Variants in ATP6AP2 observed in about 807,000 individuals in gnomAD.
The protein encoded by ATP6AP2 is renin receptor.
Under a neutral mutation model 23.4 loss-of-function variants are expected in ATP6AP2, and 1 was observed. That is an observed-to-expected ratio of 0.04 (90% CI 0.02 to 0.20). The LOEUF is 0.20. ATP6AP2 is among the 10% of genes least tolerant of loss of function. The pLI, the probability that ATP6AP2 is intolerant of heterozygous loss-of-function variation, is 1.00. For missense variants in ATP6AP2, 174 were observed against 271.3 expected, an observed-to-expected ratio of 0.64 and a Z score of 2.52; for synonymous variants, 90 against 97.1, an observed-to-expected ratio of 0.93 and a Z score of 0.43.
At chrX:40,588,338 C>CT (rs199833085) in intron 1 of ATP6AP2, among the ~76,000 whole-genome samples, 1 of 43,600 alleles carries the variant, frequency 2.3e-5, no homozygotes, top group Admixed American at 3.2e-4. Flanking sequence ...ATGTATGCCC[C>CT]CCCCCCCCCC....
chrX:40,582,092 G>T (rs1449440609), intron 1 of ATP6AP2, among the ~76,000 whole-genome samples: 2 of 111,781 alleles, frequency 1.8e-5, no homozygotes, highest in African/African-American at 3.3e-5. Context: ...AGTTGAGAAC[G>T]GCTTGGAGGA....
At chrX:40,581,199 G>T in intron 1 of ATP6AP2, 97 bp downstream of exon 1, 8 of 873,827 alleles carry the variant, frequency 9.2e-6, no homozygotes, top group Non-Finnish European at 1.2e-5. Flanking sequence ...TGCGAGGCAG[G>T]TGCCGCAGTG....
chrX:40,598,741 A>G lies in ATP6AP2; in HGVS notation c.588+7A>G, dbSNP rs377112095. 11 of 1,201,812 alleles carry G rather than the reference A, an allele frequency of 9.2e-6. No homozygotes were observed. The African/African-American group carries it at 1.6e-4, about 17-fold the overall frequency. On this transcript the variant is annotated splice_region_variant and intron_variant, in intron 6 of 8. Transcript: ENST00000636580. ...ACATGATATTTCAAGCTTGGTAAGT[A>G]GGCTGCTCTAATTTTTTAATTCCAT...
At chrX:40,589,338 A>G (rs1383682448) in intron 2 of ATP6AP2, 10 of 379,869 alleles carry the variant, frequency 2.6e-5, no homozygotes, top group Non-Finnish European at 4.5e-5. Flanking sequence ...TTTGAGACCA[A>G]CCTGGGCAAC....
chrX:40,593,009 A>G (rs1926674024), intron 3 of ATP6AP2, among the ~76,000 whole-genome samples: 1 of 112,487 alleles, frequency 8.9e-6, no homozygotes, highest in South Asian at 3.6e-4. Context: ...ACACTTTGAG[A>G]GGCCAAGGCG....
intron 7 of ATP6AP2, 60 bp from the exon 8 acceptor site, chrX:40,600,698 GTTAA>G (rs1430894009): frequency 9.3e-7 from 1 of 1,072,369 alleles, no homozygotes; most frequent in African/African-American, 1.9e-5. Context: ...ATTTTAATTT[GTTAA>G]TTAAAAATGA....
chrX:40,605,963 T>C lies in ATP6AP2; in HGVS notation c.*208T>C. 1 of 383,900 alleles carries C rather than the reference T, an allele frequency of 2.6e-6. No homozygotes were observed. The highest frequency in any genetic ancestry group is 5.2e-5 in the South Asian group (1 of 19,113). 31.6% of individuals were successfully genotyped at this position (383,900 alleles called of 1,213,427 possible). ...TCCCACTGTGGTATAGATTCCATAA[T>C]ATGCTTGAATATTATGATATAGCCA... is the stretch of plus-strand genomic sequence containing the variant. On this transcript the variant is annotated 3_prime_UTR_variant, in exon 9 of 9. Coordinates refer to ENST00000636580, the MANE Select transcript of ATP6AP2 (RefSeq NM_005765.3).
At chrX:40,605,503 A>G in intron 8 of ATP6AP2, 58 bp from the exon 9 acceptor site, 2 of 1,001,845 alleles carry the variant, frequency 2.0e-6, no homozygotes, top group Non-Finnish European at 1.4e-6. Flanking sequence ...CTAGACTGGG[A>G]TAATTTCCTA....
At chrX:40,592,837 T>G (rs746291739) in intron 3 of ATP6AP2, among the ~76,000 whole-genome samples, 22 of 111,411 alleles carry the variant, frequency 2.0e-4, no homozygotes, top group Middle Eastern at 4.6e-3. Context: ...AAAAAATTAC[T>G]GTGCAGTAGT....
chrX:40,591,085 G>A (rs754649584), intron 2 of ATP6AP2, 149 bp from the exon 3 acceptor site: 87 of 674,223 alleles, frequency 1.3e-4, no homozygotes, highest in Non-Finnish European at 1.9e-4. Flanking sequence ...GGATTGCAAC[G>A]ACTGCCACAA....
intron 3 of ATP6AP2, among the ~76,000 whole-genome samples, chrX:40,593,024 A>G (rs975773605): frequency 4.4e-5 from 5 of 112,388 alleles, no homozygotes; most frequent in Non-Finnish European, 7.5e-5. Context: ...AAGGCGGGTG[A>G]ATCACTTGAG....
At position 40,580,986 on chromosome X, in the gene ATP6AP2, C is replaced by G; in HGVS notation, c.-80C>G. 8.9e-7 allele frequency: 1 copy of G among 1,120,443 alleles called. No individual in the cohort carries two copies. Among genetic ancestry groups the G allele is most frequent in the Non-Finnish European group, 1.2e-6 (1 of 833,824 alleles). The allele number at this position is 1,120,443 out of a possible 1,213,427, so 92.3% of individuals were successfully genotyped here. On this transcript the variant is annotated 5_prime_UTR_variant, in exon 1 of 9. Coordinates refer to ENST00000636580, the MANE Select transcript of ATP6AP2 (RefSeq NM_005765.3). ...AGCCTGGACGAGTCCGAGCGCGTCACCTCCTCACGCTGCGGCTGTCGCCCG... is the reference window on the plus strand; with the variant it reads ...AGCCTGGACGAGTCCGAGCGCGTCAGCTCCTCACGCTGCGGCTGTCGCCCG...
chrX:40,600,841 T>C lies in ATP6AP2; in HGVS notation c.818T>C (p.Leu273Pro). ...LVTVKSFDTS[L>P]IRKTRTILEA... ...ACTGTCAAGTCATTTGACACCTCCC[T>C]CATTAGGAAGACAAGGACTATCCTT... Residue 273 changes from leucine (L) to proline (P), a missense_variant, in exon 8 of 9, where the codon CTC becomes CCC. Transcript: ENST00000636580. 1 of 1,208,348 alleles carries C rather than the reference T, an allele frequency of 8.3e-7. No homozygotes were observed. Among genetic ancestry groups the C allele is most frequent in the Non-Finnish European group, 1.1e-6 (1 of 893,498 alleles).
intron 8 of ATP6AP2, among the ~76,000 whole-genome samples, chrX:40,601,183 G>A (rs962011128): frequency 2.5e-4 from 28 of 111,685 alleles, no homozygotes; most frequent in African/African-American, 7.8e-4. Context: ...TTAATGTGGC[G>A]CCAGGTGCAG....
intron 2 of ATP6AP2, chrX:40,589,815 A>G (rs1401751649): frequency 1.8e-5 from 2 of 111,557 alleles, no homozygotes; most frequent in Non-Finnish European, 3.8e-5. Flanking sequence ...GCTCGGTGCT[A>G]TCATCTCCTT....
At chrX:40,599,520 T>A in intron 6 of ATP6AP2, 72 bp from the exon 7 acceptor site, 1 of 1,165,315 alleles carries the variant, frequency 8.6e-7, no homozygotes, top group Non-Finnish European at 1.2e-6. Context: ...GCATAAAACT[T>A]TAACTGGCTG....
In ATP6AP2 at chrX:40,600,822, A is replaced by G; in HGVS notation, c.799A>G (p.Lys267Glu). The change falls in exon 8 of 9, where the codon AAG becomes GAG. Residue 267 changes from lysine (K) to glutamate (E), a missense_variant. Physicochemically the swap from Lys to Glu is moderately conservative, Grantham distance 56 (BLOSUM62 1). Coordinates refer to ENST00000636580, the MANE Select transcript of ATP6AP2 (RefSeq NM_005765.3). ...TGCAGTGGTAGAGTTAGTCACTGTCAAGTCATTTGACACCTCCCTCATTAG... is the reference window on the plus strand; with the variant it reads ...TGCAGTGGTAGAGTTAGTCACTGTCGAGTCATTTGACACCTCCCTCATTAG... ...GNAVVELVTV[K>E]SFDTSLIRKT... 2.5e-6 allele frequency: 3 copies of G among 1,207,273 alleles called. No individual in the cohort carries two copies. The highest frequency in any genetic ancestry group is 3.4e-6 in the Non-Finnish European group (3 of 891,881).
chrX:40,600,993 C>A, intron 8 of ATP6AP2, 112 bp downstream of exon 8: 2 of 814,546 alleles, frequency 2.5e-6, no homozygotes, highest in Admixed American at 3.3e-5. Context: ...GTCAGTAAAT[C>A]TGAAAAACAA....
At chrX:40,604,363 A>G (rs1379419937) in intron 8 of ATP6AP2, among the ~76,000 whole-genome samples, 2 of 111,489 alleles carry the variant, frequency 1.8e-5, no homozygotes, top group Non-Finnish European at 3.8e-5. Flanking sequence ...TAGGAAACTT[A>G]CAATCATGGA....
Sources: gnomAD v4.1 joint callset for allele counts (sites outside exome capture counted in the v4.1 genomes callset) on GRCh38, gnomAD v4.1.1 for gene constraint, MANE v1.5 for transcripts, NCBI Gene and HGNC (gene_info 2026-07-23, HGNC 2026-07-21) for gene names.